ZBTB20: variants seen among roughly 807,000 people sequenced by gnomAD.
The protein encoded by ZBTB20 is zinc finger and BTB domain-containing protein 20.
Under a neutral mutation model 56.9 loss-of-function variants are expected in ZBTB20, and 9 were observed. That is an observed-to-expected ratio of 0.16 (90% CI 0.10 to 0.28). The LOEUF (loss-of-function observed/expected upper bound fraction) is 0.28, where lower values mean the gene tolerates loss of function less well. Among genes scored for constraint, ZBTB20 ranks in the 10% least tolerant of loss-of-function variants. ZBTB20 has a pLI of 1.00. For synonymous variants in ZBTB20, 417 were observed against 420.7 expected (o/e 0.99, Z 0.11); for missense variants, 655 against 1,003.0 (o/e 0.65, Z 4.69).
chr3:115,105,276 C>G (rs2083688305), intron 1 of ZBTB20, among the ~76,000 whole-genome samples: 1 of 146,398 alleles, frequency 6.8e-6, no homozygotes, highest in Non-Finnish European at 1.5e-5. Context: ...TCTTTAAAGC[C>G]TAACAATTAC....
intron 4 of ZBTB20, among the ~76,000 whole-genome samples, chr3:114,853,777 G>A (rs1458480724): frequency 6.6e-6 from 1 of 152,200 alleles, no homozygotes; most frequent in East Asian, 1.9e-4. Flanking sequence ...CATGGTATAT[G>A]TGGAAAAGAA....
intron 6 of ZBTB20, among the ~76,000 whole-genome samples, chr3:114,542,769 C>A (rs932005100): frequency 1.1e-4 from 17 of 152,114 alleles, no homozygotes; most frequent in African/African-American, 2.4e-5. Context: ...TGAATCAGAA[C>A]CATTCAGAAT....
intron 4 of ZBTB20, among the ~76,000 whole-genome samples, chr3:114,862,998 ATTACTGT>A (rs1424537516): frequency 3.3e-5 from 5 of 152,150 alleles, no homozygotes; most frequent in African/African-American, 1.2e-4. Flanking sequence ...CAGAACTTAA[ATTACTGT>A]TTATGGGCAT....
chr3:114,669,637 A>C (rs2061252845), intron 6 of ZBTB20, among the ~76,000 whole-genome samples: 1 of 151,976 alleles, frequency 6.6e-6, no homozygotes, highest in South Asian at 2.1e-4. Context: ...AAAAAAAAAA[A>C]AACTAGCCCA....
intron 6 of ZBTB20, among the ~76,000 whole-genome samples, chr3:114,552,836 A>C (rs2050746133): frequency 1.3e-5 from 2 of 152,234 alleles, no homozygotes; most frequent in South Asian, 4.1e-4. Context: ...CAAAGGTGGA[A>C]GCTTCAAATT....
intron 7 of ZBTB20, among the ~76,000 whole-genome samples, chr3:114,409,547 C>T (rs2087720851): frequency 6.6e-6 from 1 of 151,928 alleles, no homozygotes; most frequent in South Asian, 2.1e-4. Flanking sequence ...AAAAAACACT[C>T]CACGAAGGCC....
At chr3:115,109,461 C>T (rs1195117102) in intron 1 of ZBTB20, among the ~76,000 whole-genome samples, 3 of 152,174 alleles carry the variant, frequency 2.0e-5, no homozygotes, top group Admixed American at 6.5e-5. Flanking sequence ...TAAAAGTTAT[C>T]TCTACTACAT....
chr3:115,073,418 G>C (rs1202982484), intron 1 of ZBTB20, among the ~76,000 whole-genome samples: 1 of 152,060 alleles, frequency 6.6e-6, no homozygotes, highest in Middle Eastern at 3.2e-3. Flanking sequence ...TAATTGTTCT[G>C]ATATTTCTTA....
At chr3:115,068,037 AG>A (rs1314438433) in intron 2 of ZBTB20, among the ~76,000 whole-genome samples, 1 of 152,116 alleles carries the variant, frequency 6.6e-6, no homozygotes, top group African/African-American at 2.4e-5. Flanking sequence ...TTCTCTGCCT[AG>A]AAAGGTACTT....
intron 10 of ZBTB20, 168 bp from the exon 11 acceptor site, chr3:114,352,046 A>T: frequency 1.2e-6 from 1 of 863,248 alleles, no homozygotes; most frequent in Non-Finnish European, 1.7e-6. Flanking sequence ...TGTAGGTACG[A>T]TGACCTGAGG....
intron 10 of ZBTB20, among the ~76,000 whole-genome samples, chr3:114,373,286 G>C (rs1217774515): frequency 6.6e-6 from 1 of 152,160 alleles, no homozygotes; most frequent in East Asian, 1.9e-4. Flanking sequence ...AAAATAAGTA[G>C]ATGTCTTGCT....
At chr3:114,932,474 A>G (rs2076393108) in intron 3 of ZBTB20, among the ~76,000 whole-genome samples, 1 of 152,214 alleles carries the variant, frequency 6.6e-6, no homozygotes, top group South Asian at 2.1e-4. Context: ...CAATTGTTTG[A>G]CATCACAGAT....
At chr3:114,967,802 C>T (rs1028963733) in intron 3 of ZBTB20, among the ~76,000 whole-genome samples, 1 of 151,792 alleles carries the variant, frequency 6.6e-6, no homozygotes, top group Non-Finnish European at 1.5e-5. Flanking sequence ...ACTAAAAATA[C>T]AAAAATTAGC....
intron 1 of ZBTB20, among the ~76,000 whole-genome samples, chr3:115,113,321 G>C (rs1316328054): frequency 1.3e-5 from 2 of 152,202 alleles, no homozygotes; most frequent in Non-Finnish European, 2.9e-5. Context: ...CACTAAAATA[G>C]TTTGCATATA....
At chr3:114,798,994 A>G (rs1297578974) in intron 5 of ZBTB20, among the ~76,000 whole-genome samples, 3 of 151,806 alleles carry the variant, frequency 2.0e-5, no homozygotes, top group Non-Finnish European at 4.4e-5. Flanking sequence ...AAAAAGAAAA[A>G]AAAACAACTT....
intron 1 of ZBTB20, chr3:115,102,519 A>G (rs1204089264): frequency 1.3e-5 from 2 of 152,126 alleles, no homozygotes; most frequent in Non-Finnish European, 2.9e-5. Flanking sequence ...ATAAGGTTCT[A>G]GGTATTTTAT....
intron 6 of ZBTB20, among the ~76,000 whole-genome samples, chr3:114,521,186 T>C (rs2109930350): frequency 6.6e-6 from 1 of 152,276 alleles, no homozygotes; most frequent in Admixed American, 6.5e-5. Flanking sequence ...AAGGGTGAGA[T>C]TACTAGACAA....
intron 4 of ZBTB20, among the ~76,000 whole-genome samples, chr3:114,804,204 C>CA (rs1229219246): frequency 6.9e-6 from 1 of 145,634 alleles, no homozygotes. Context: ...CACAAGGCCA[C>CA]AAACAAAGCC....
intron 4 of ZBTB20, among the ~76,000 whole-genome samples, chr3:114,836,796 CTTATAATCCA>C (rs1257849688): frequency 2.6e-4 from 39 of 152,274 alleles, no homozygotes; most frequent in African/African-American, 9.1e-4. Flanking sequence ...ACTGTTGCAC[CTTATAATCCA>C]TTATCTAAAC....
Sources: allele counts gnomAD v4.1 joint callset (sites outside exome capture counted in the v4.1 genomes callset), GRCh38; gene constraint gnomAD v4.1.1; transcripts MANE v1.5; gene names NCBI Gene and HGNC (gene_info 2026-07-23, HGNC 2026-07-21).